CSMD1: variants seen among roughly 807,000 people sequenced by gnomAD.
The protein encoded by CSMD1 is CUB and sushi domain-containing protein 1.
Under a neutral mutation model 417.5 loss-of-function variants are expected in CSMD1, and 213 were observed. That is an observed-to-expected ratio of 0.51 (90% CI 0.46 to 0.57). CSMD1 has a LOEUF of 0.57. Among genes scored for constraint, CSMD1 ranks in the 20% least tolerant of loss-of-function variants. The probability of loss-of-function intolerance (pLI) is 0.00; values close to 1 mark genes in which losing one functional copy is unlikely to be tolerated. For synonymous variants in CSMD1, 2,862 were observed against 1,736.8 expected, an observed-to-expected ratio of 1.65 and a Z score of -16.11; for missense variants, 6,923 against 4,529.7, an observed-to-expected ratio of 1.53 and a Z score of -15.17.
At chr8:3,109,589 CT>C (rs1180804807) in intron 43 of CSMD1, among the ~76,000 whole-genome samples, 1 of 152,160 alleles carries the variant, frequency 6.6e-6, no homozygotes, top group Non-Finnish European at 1.5e-5. Context: ...CCTTGGAGCT[CT>C]GCCTGTCAGA....
At chr8:4,889,034 A>G (rs547394094) in intron 1 of CSMD1, among the ~76,000 whole-genome samples, 1 of 152,294 alleles carries the variant, frequency 6.6e-6, no homozygotes, top group Non-Finnish European at 1.5e-5. Context: ...GATGGCATTT[A>G]TTGTTTCAGG....
In CSMD1 at chr8:4,018,839, C is replaced by A. The variant is rs183073724; in HGVS notation, c.610+13066G>T. Among the ~76,000 whole-genome samples, 59 of 152,236 alleles carry A rather than the reference C, an allele frequency of 3.9e-4. 1 individual carries two copies. The highest frequency in any genetic ancestry group is 1.6e-4 in the Non-Finnish European group (11 of 68,020). ...ACAGCGTGGGACCTTGGTGAAGTCA[C>A]TGAATTCCTCTGTGATGGAGTCTCA... On this transcript the variant is annotated intron_variant, in intron 4 of 69. Transcript: ENST00000635120.
At chr8:3,286,158 ATACT>A (rs1397011974) in intron 25 of CSMD1, among the ~76,000 whole-genome samples, 14 of 152,122 alleles carry the variant, frequency 9.2e-5, no homozygotes, top group African/African-American at 3.4e-4. Context: ...ACATGAACTC[ATACT>A]TCTTTATGGC....
At chr8:4,113,340 C>G (rs1193763160) in intron 3 of CSMD1, among the ~76,000 whole-genome samples, 3 of 148,944 alleles carry the variant, frequency 2.0e-5, no homozygotes, top group African/African-American at 7.5e-5. Flanking sequence ...CTGCACCCAA[C>G]AGCCAAGCTG....
chr8:4,809,681 A>C (rs532429309), intron 1 of CSMD1, among the ~76,000 whole-genome samples: 79 of 152,366 alleles, frequency 5.2e-4, no homozygotes, highest in African/African-American at 1.8e-3. Context: ...AAAAGGCTAA[A>C]ACTGAGTTTG....
chr8:3,990,055 G>A (rs78413279), intron 5 of CSMD1, among the ~76,000 whole-genome samples: 4,719 of 152,278 alleles, frequency 0.031, 247 homozygotes, highest in African/African-American at 0.11. Context: ...CATTATTTGA[G>A]AATGACTAAA....
chr8:3,204,364 G>C (rs1177946223), intron 31 of CSMD1, among the ~76,000 whole-genome samples: 2 of 150,756 alleles, frequency 1.3e-5, no homozygotes, highest in African/African-American at 2.4e-5. Context: ...AGACTTTTTT[G>C]TGATAATCAG....
At chr8:3,474,227 G>A (rs1817279784) in intron 11 of CSMD1, among the ~76,000 whole-genome samples, 1 of 152,080 alleles carries the variant, frequency 6.6e-6, no homozygotes, top group Non-Finnish European at 1.5e-5. Context: ...TGAGCTGGTT[G>A]GAAAAGGAAT....
chr8:3,492,506 A>T (rs1818442992), intron 11 of CSMD1, among the ~76,000 whole-genome samples: 1 of 152,210 alleles, frequency 6.6e-6, no homozygotes, highest in Non-Finnish European at 1.5e-5. Flanking sequence ...CTACAACATG[A>T]AGAGAAGCTA....
At chr8:3,162,379 T>C (rs1819952816) in intron 37 of CSMD1, 102 bp from the exon 38 acceptor site, 1 of 761,644 alleles carries the variant, frequency 1.3e-6, no homozygotes, top group East Asian at 2.7e-5. Context: ...TCTGTAGAAA[T>C]GAACAAAGAC....
At chr8:3,557,731 T>A (rs1288849434) in intron 10 of CSMD1, among the ~76,000 whole-genome samples, 1 of 152,188 alleles carries the variant, frequency 6.6e-6, no homozygotes, top group Non-Finnish European at 1.5e-5. Context: ...TACCTGTGGA[T>A]ACTTTCCCCT....
chr8:4,926,993 A>G (rs1220450788), intron 1 of CSMD1, among the ~76,000 whole-genome samples: 2 of 152,062 alleles, frequency 1.3e-5, no homozygotes, highest in African/African-American at 2.4e-5. Flanking sequence ...TTTCATTTAT[A>G]AAGATTCAAA....
chr8:4,168,038 A>C (rs182673077), intron 3 of CSMD1, among the ~76,000 whole-genome samples: 46 of 152,164 alleles, frequency 3.0e-4, no homozygotes, highest in Non-Finnish European at 5.9e-4. Context: ...CTGAGGCCGT[A>C]GAATTGCTTG....
At chr8:3,131,150 C>T (rs1817771249) in intron 41 of CSMD1, among the ~76,000 whole-genome samples, 1 of 152,044 alleles carries the variant, frequency 6.6e-6, no homozygotes, top group Non-Finnish European at 1.5e-5. Context: ...TAAAATATTC[C>T]TACAAAAGTG....
intron 1 of CSMD1, among the ~76,000 whole-genome samples, chr8:4,989,497 G>C (rs558634746): frequency 6.6e-6 from 1 of 152,270 alleles, no homozygotes; most frequent in South Asian, 2.1e-4. Flanking sequence ...TGATTTGTTA[G>C]TTGATCAAAT....
chr8:4,733,864 C>T (rs73661103), intron 1 of CSMD1, among the ~76,000 whole-genome samples: 1 of 152,090 alleles, frequency 6.6e-6, no homozygotes. Flanking sequence ...CAATTTATTT[C>T]TATTTCTGAA....
At chr8:3,134,519 TGTGATCGGA>T (rs1228533922) in intron 41 of CSMD1, among the ~76,000 whole-genome samples, 1 of 152,218 alleles carries the variant, frequency 6.6e-6, no homozygotes, top group Non-Finnish European at 1.5e-5. Flanking sequence ...AACGAAAAAC[TGTGATCGGA>T]GTTTTCCCAC....
chr8:3,293,512 G>A (rs867685002), intron 25 of CSMD1, among the ~76,000 whole-genome samples: 1 of 152,078 alleles, frequency 6.6e-6, no homozygotes, highest in Admixed American at 6.6e-5. Context: ...TTTCTTGGAG[G>A]CTTTGTTTGT....
intron 3 of CSMD1, among the ~76,000 whole-genome samples, chr8:4,414,598 AT>A (rs560074720): frequency 2.6e-5 from 4 of 151,978 alleles, no homozygotes; most frequent in Non-Finnish European, 2.9e-5. Flanking sequence ...CAATTCAGTG[AT>A]TTTTTTTAAA....
Sources: gnomAD v4.1 joint callset for allele counts (sites outside exome capture counted in the v4.1 genomes callset) on GRCh38, gnomAD v4.1.1 for gene constraint, MANE v1.5 for transcripts, NCBI Gene and HGNC (gene_info 2026-07-23, HGNC 2026-07-21) for gene names.